Variants in TENM2 observed in about 807,000 individuals in gnomAD.
The protein encoded by TENM2 is teneurin transmembrane protein 2.
In TENM2, 52 loss-of-function variants were observed where a neutral mutation model predicts 245.2. The ratio of observed to expected loss-of-function variants is 0.21; its 90% confidence interval spans 0.17 to 0.27. The LOEUF (loss-of-function observed/expected upper bound fraction) is 0.27. Ranked by LOEUF, TENM2 falls within the 10% of genes least tolerant of loss-of-function variation. TENM2 has a pLI of 1.00. For synonymous variants in TENM2, 1,363 were observed against 1,438.9 expected (o/e 0.95, Z 1.19); for missense variants, 3,046 against 3,666.8 (o/e 0.83, Z 4.37).
chr5:167,973,796 C>G (rs968528929), intron 4 of TENM2, among the ~76,000 whole-genome samples: 2 of 151,974 alleles, frequency 1.3e-5, no homozygotes, highest in Non-Finnish European at 2.9e-5. Flanking sequence ...GGTCTCATGG[C>G]CCAAGTCAAG....
the TENM2 span, chr5:167,116,703 A>T: frequency 6.6e-6 from 1 of 152,298 alleles, no homozygotes; most frequent in African/African-American, 2.4e-5. Context: ...CTGGAAAAAA[A>T]AAAAAAGTGC....
intron 2 of TENM2, among the ~76,000 whole-genome samples, chr5:167,565,448 G>T (rs1381517203): frequency 6.6e-6 from 1 of 152,152 alleles, no homozygotes; most frequent in African/African-American, 2.4e-5. Flanking sequence ...AATTCTTTCA[G>T]CCAGTGCAGG....
chr5:167,825,091 T>C (rs1767849976), intron 2 of TENM2, among the ~76,000 whole-genome samples: 1 of 152,196 alleles, frequency 6.6e-6, no homozygotes, highest in African/African-American at 2.4e-5. Flanking sequence ...CAAATATATA[T>C]GTTCATATTC....
At chr5:167,342,507 CTTTTTTTTTTTTT>C (rs35451881) in intron 1 of TENM2, among the ~76,000 whole-genome samples, 19 of 54,288 alleles carry the variant, frequency 3.5e-4, no homozygotes, top group African/African-American at 8.8e-4. Context: ...TAAAGTTATT[CTTTTTTTTTTTTT>C]TTTTTTTTTT....
intron 2 of TENM2, among the ~76,000 whole-genome samples, chr5:167,515,452 GA>G (rs1770260297): frequency 6.6e-6 from 1 of 151,508 alleles, no homozygotes; most frequent in Non-Finnish European, 1.5e-5. Flanking sequence ...ACATAGTTTA[GA>G]AATGTAGATC....
intron 3 of TENM2, among the ~76,000 whole-genome samples, chr5:167,893,978 T>C (rs1270955365): frequency 6.6e-6 from 1 of 152,172 alleles, no homozygotes; most frequent in Non-Finnish European, 1.5e-5. Flanking sequence ...AAAGATACAG[T>C]CCCATTATGA....
At chr5:167,035,722 A>C in the TENM2 span, among the ~76,000 whole-genome samples, 2 of 152,170 alleles carry the variant, frequency 1.3e-5, no homozygotes, top group Non-Finnish European at 2.9e-5. Flanking sequence ...CAGCAAGCAC[A>C]TGATGAATTG....
intron 5 of TENM2, among the ~76,000 whole-genome samples, chr5:168,032,059 T>C (rs77502237): frequency 0.016 from 2,506 of 152,278 alleles, 37 homozygotes; most frequent in Middle Eastern, 0.048. Flanking sequence ...ACAGAAAGCA[T>C]TGTAGTCAAG....
chr5:168,218,357 A>G lies in TENM2; in HGVS notation c.4466A>G (p.Tyr1489Cys). 1 of 1,614,044 alleles carries G rather than the reference A, an allele frequency of 6.2e-7. No homozygotes were observed. The highest frequency in any genetic ancestry group is 1.1e-5 in the South Asian group (1 of 91,080). ...GCCATTTCTCACACTGGGGTCCTCT[A>G]CATCACTGAGACAGATGAGAAGAAG... The change falls in exon 23 of 29, where the codon TAC becomes TGC. Residue 1489 changes from tyrosine to cysteine, a missense_variant. Physicochemically the swap from Tyr to Cys is radical, Grantham distance 194. Around this residue, in one of 2 missense-constraint regions of TENM2, gnomAD observed 2,704 missense variants for 3,331.9 expected, o/e 0.81. Transcript: ENST00000518659. The surrounding 1 kb of genome is among the most constrained non-coding windows in gnomAD (Gnocchi z 5.2).
the TENM2 span, among the ~76,000 whole-genome samples, chr5:167,181,345 T>A: frequency 2.0e-5 from 3 of 152,146 alleles, no homozygotes; most frequent in Non-Finnish European, 4.4e-5. Flanking sequence ...TTCTCACCCT[T>A]TCTTTCTCGC....
chr5:167,054,061 A>G, the TENM2 span, among the ~76,000 whole-genome samples: 1 of 152,120 alleles, frequency 6.6e-6, no homozygotes, highest in Non-Finnish European at 1.5e-5. Context: ...CAAAGTCCAT[A>G]GTTTACATAA....
At position 168,105,700 on chromosome 5, in the gene TENM2, A is replaced by C. The variant is rs572713708; in HGVS notation, c.1813+7573A>C. Among the ~76,000 whole-genome samples, 70 of 152,308 alleles carry C rather than the reference A, an allele frequency of 4.6e-4. 1 individual carries two copies. The highest frequency in any genetic ancestry group is 2.8e-3 in the Admixed American group (43 of 15,304). On this transcript the variant is annotated intron_variant, in intron 9 of 28. Transcript: ENST00000518659. ...GCAAGCTGTTCAGATCCAGGGCCTC[A>C]GGAAAAATGGCATTTCTTTCCTGGC...
chr5:167,262,187 C>T, the TENM2 span, among the ~76,000 whole-genome samples: 29 of 152,194 alleles, frequency 1.9e-4, no homozygotes, highest in Admixed American at 5.2e-4. Context: ...GGAGAAACCT[C>T]GTCTCTACTA....
intron 3 of TENM2, among the ~76,000 whole-genome samples, chr5:167,900,141 G>T (rs1020549572): frequency 7.7e-5 from 10 of 130,296 alleles, no homozygotes; most frequent in South Asian, 2.9e-4. Context: ...AAAGGGGGGG[G>T]GGGTTTTGGA....
intron 2 of TENM2, among the ~76,000 whole-genome samples, chr5:167,432,951 G>A (rs775375630): frequency 1.2e-4 from 18 of 152,132 alleles, no homozygotes; most frequent in Middle Eastern, 3.4e-3. Context: ...ATAAATACAC[G>A]TTATTGCTTT....
At chr5:168,089,900 T>C (rs1479014317) in intron 7 of TENM2, among the ~76,000 whole-genome samples, 1 of 152,124 alleles carries the variant, frequency 6.6e-6, no homozygotes, top group Non-Finnish European at 1.5e-5. Context: ...CCCCATAACA[T>C]AGATACTCTT....
chr5:168,093,181 C>T (rs1489167308), intron 8 of TENM2, among the ~76,000 whole-genome samples: 2 of 152,212 alleles, frequency 1.3e-5, no homozygotes, highest in Non-Finnish European at 2.9e-5. Flanking sequence ...CGGATTATTT[C>T]CCAACAACTT....
At chr5:167,533,023 CA>C (rs1396405409) in intron 2 of TENM2, among the ~76,000 whole-genome samples, 1 of 151,948 alleles carries the variant, frequency 6.6e-6, no homozygotes, top group Non-Finnish European at 1.5e-5. Context: ...CCTCCTAAAT[CA>C]AAATTACAAT....
intron 2 of TENM2, among the ~76,000 whole-genome samples, chr5:167,778,298 A>G (rs1427037913): frequency 6.6e-6 from 1 of 152,208 alleles, no homozygotes; most frequent in Non-Finnish European, 1.5e-5. Flanking sequence ...GTGTTCTGAA[A>G]GAAGAAAAAG....
Sources: gnomAD v4.1 joint callset for allele counts (sites outside exome capture counted in the v4.1 genomes callset) on GRCh38, gnomAD v4.1.1 for gene constraint, gnomAD v4.1.1 regional missense constraint, Gnocchi (gnomAD v3.1) non-coding constraint, MANE v1.5 for transcripts, NCBI Gene and HGNC (gene_info 2026-07-23, HGNC 2026-07-21) for gene names.